Variants in ARHGAP15 observed in about 807,000 individuals in gnomAD.
ARHGAP15 encodes rho GTPase-activating protein 15.
Under a neutral mutation model 63.7 loss-of-function variants are expected in ARHGAP15, and 51 were observed. The ratio of observed to expected loss-of-function variants is 0.80; its 90% CI spans 0.64 to 1.01. ARHGAP15 has a LOEUF of 1.01. Ranked by LOEUF, ARHGAP15 falls within the 50% of genes least tolerant of loss-of-function variation. The pLI, the probability that ARHGAP15 is intolerant of heterozygous loss-of-function variation, is 0.00. For synonymous variants in ARHGAP15, 191 were observed against 193.8 expected (o/e 0.99, Z 0.12); for missense variants, 560 against 564.6 (o/e 0.99, Z 0.08).
chr2:143,469,544 G>A (rs775489389), intron 8 of ARHGAP15, among the ~76,000 whole-genome samples: 26 of 151,224 alleles, frequency 1.7e-4, no homozygotes, highest in Non-Finnish European at 3.2e-4. Context: ...CGCAAGTTCG[G>A]ACATGACACC....
At chr2:143,373,650 A>AT (rs1207109504) in intron 6 of ARHGAP15, among the ~76,000 whole-genome samples, 2 of 122,392 alleles carry the variant, frequency 1.6e-5, no homozygotes, top group African/African-American at 6.2e-5. Context: ...AAAAAAAAAA[A>AT]AAAAAAAAAA....
chr2:143,748,309 C>G (rs1275722014), intron 13 of ARHGAP15, among the ~76,000 whole-genome samples: 2 of 152,070 alleles, frequency 1.3e-5, no homozygotes. Flanking sequence ...GTTGTTGATT[C>G]TCTAAGTGGA....
intron 5 of ARHGAP15, chr2:143,238,046 T>C (rs1241374602): frequency 6.6e-6 from 1 of 152,120 alleles, no homozygotes; most frequent in Non-Finnish European, 1.5e-5. Flanking sequence ...ATTTTCTGCA[T>C]ATGGTTACCC....
chr2:143,462,796 T>TGGAC (rs1691013153), intron 8 of ARHGAP15, among the ~76,000 whole-genome samples: 1 of 151,110 alleles, frequency 6.6e-6, no homozygotes. Context: ...GATGGATGGA[T>TGGAC]GGATGGACAG....
intron 6 of ARHGAP15, among the ~76,000 whole-genome samples, chr2:143,290,706 C>T (rs1249717242): frequency 2.0e-5 from 3 of 151,978 alleles, no homozygotes. Flanking sequence ...AATGGATACA[C>T]AATGTAGGAG....
At chr2:143,133,185 G>C (rs958624637) in intron 1 of ARHGAP15, among the ~76,000 whole-genome samples, 5 of 152,126 alleles carry the variant, frequency 3.3e-5, no homozygotes, top group Non-Finnish European at 7.4e-5. Flanking sequence ...TAGTTTTCAG[G>C]GAAATCTAGC....
chr2:143,752,357 A>G (rs1686412266), intron 13 of ARHGAP15, among the ~76,000 whole-genome samples: 1 of 152,200 alleles, frequency 6.6e-6, no homozygotes, highest in African/African-American at 2.4e-5. Flanking sequence ...TGGAGTTACT[A>G]TCCACAACCT....
chr2:143,254,172 A>T (rs1361309638), intron 6 of ARHGAP15, among the ~76,000 whole-genome samples: 1 of 152,140 alleles, frequency 6.6e-6, no homozygotes, highest in Non-Finnish European at 1.5e-5. Context: ...AATTTAAAGC[A>T]CTAAGGATTA....
At chr2:143,718,554 T>C (rs1163465920) in intron 13 of ARHGAP15, among the ~76,000 whole-genome samples, 1 of 152,242 alleles carries the variant, frequency 6.6e-6, no homozygotes, top group Non-Finnish European at 1.5e-5. Flanking sequence ...CACTACATTA[T>C]TGCCCTTGGT....
chr2:143,443,137 A>G (rs1025224922), intron 8 of ARHGAP15, among the ~76,000 whole-genome samples: 1 of 152,182 alleles, frequency 6.6e-6, no homozygotes, highest in Admixed American at 6.6e-5. Context: ...CATACTGTGA[A>G]GCCTGTTCTG....
intron 9 of ARHGAP15, among the ~76,000 whole-genome samples, chr2:143,503,918 T>C (rs1693186490): frequency 6.6e-6 from 1 of 152,178 alleles, no homozygotes; most frequent in Non-Finnish European, 1.5e-5. Flanking sequence ...GGAAGATAAA[T>C]GCACAAAAAC....
At chr2:143,579,425 G>A (rs1696803598) in intron 11 of ARHGAP15, among the ~76,000 whole-genome samples, 1 of 152,134 alleles carries the variant, frequency 6.6e-6, no homozygotes, top group South Asian at 2.1e-4. Context: ...ATGTTTTTCT[G>A]TCCTTGCAAA....
chr2:143,438,466 G>T (rs1323717270), intron 8 of ARHGAP15, among the ~76,000 whole-genome samples: 1 of 151,942 alleles, frequency 6.6e-6, no homozygotes, highest in Admixed American at 6.5e-5. Flanking sequence ...TCTAGAAATT[G>T]CATGAGAATT....
chr2:143,474,025 T>C (rs1392292338), intron 8 of ARHGAP15, among the ~76,000 whole-genome samples: 2 of 152,108 alleles, frequency 1.3e-5, no homozygotes, highest in African/African-American at 4.8e-5. Flanking sequence ...TTTGGCGAAA[T>C]GAATTTTCCC....
chr2:143,355,795 T>C (rs781158306), intron 6 of ARHGAP15, among the ~76,000 whole-genome samples: 1 of 152,194 alleles, frequency 6.6e-6, no homozygotes, highest in African/African-American at 2.4e-5. Flanking sequence ...TTAAAAATTA[T>C]ATCTGCACCT....
Position 143,145,931 on chromosome 2 carries a change from A to T in ARHGAP15, c.-14-9546A>T, listed in dbSNP as rs923108752. Among the ~76,000 whole-genome samples, 4 of 151,310 alleles carry T rather than the reference A, an allele frequency of 2.6e-5. No homozygotes were observed. The South Asian group carries it at 8.3e-4, about 31-fold the overall frequency. On this transcript the variant is annotated intron_variant, in intron 1 of 13. Coordinates refer to ENST00000295095, the MANE Select transcript of ARHGAP15 (RefSeq NM_018460.4). ...CTTTATTTCCATATGGAATATATAT[A>T]TATCTCACACCAAACACAAACATTA...
intron 2 of ARHGAP15, among the ~76,000 whole-genome samples, chr2:143,174,083 C>G (rs887114962): frequency 1.3e-5 from 2 of 152,080 alleles, no homozygotes; most frequent in African/African-American, 4.8e-5. Context: ...TTCCCTCTCA[C>G]CCAAATATTC....
At chr2:143,281,527 A>G (rs572499271) in intron 6 of ARHGAP15, among the ~76,000 whole-genome samples, 7 of 152,298 alleles carry the variant, frequency 4.6e-5, no homozygotes, top group Non-Finnish European at 8.8e-5. Flanking sequence ...AGGAAGCAAC[A>G]GCTAAATACA....
intron 6 of ARHGAP15, among the ~76,000 whole-genome samples, chr2:143,380,308 A>G (rs757293882): frequency 2.0e-5 from 3 of 152,166 alleles, no homozygotes; most frequent in Non-Finnish European, 2.9e-5. Flanking sequence ...ATGACTTAAT[A>G]ACAGGAATAG....
Sources: allele counts gnomAD v4.1 joint callset (sites outside exome capture counted in the v4.1 genomes callset), GRCh38; gene constraint gnomAD v4.1.1; transcripts MANE v1.5; gene names NCBI Gene and HGNC (gene_info 2026-07-23, HGNC 2026-07-21).